Variants in SMARCAL1 observed in about 807,000 individuals in gnomAD.
SMARCAL1 encodes SNF2 related chromatin remodeling annealing helicase 1.
In SMARCAL1, 58 loss-of-function variants were observed where a neutral mutation model predicts 94.5. The observed-to-expected ratio is 0.61, with a 90% CI of 0.50 to 0.76. The LOEUF is 0.76. SMARCAL1 is among the 30% of genes least tolerant of loss of function. The probability of loss-of-function intolerance (pLI) is 0.00; values close to 1 mark genes in which losing one functional copy is unlikely to be tolerated. For synonymous variants in SMARCAL1, 422 were observed against 455.1 expected (o/e 0.93, Z 0.93); for missense variants, 1,051 against 1,177.9 (o/e 0.89, Z 1.58).
chr2:216,464,578 T>C lies in SMARCAL1; in HGVS notation c.2071-19T>C, dbSNP rs1420033037. 6.3e-7 allele frequency: 1 copy of C among 1,597,070 alleles called. No homozygotes were observed. The highest frequency in any genetic ancestry group is 8.6e-7 in the Non-Finnish European group (1 of 1,164,698). ...TCTCAGACTGGGGCACTTAACATTC[T>C]TAACTTATCTTTCAACAGAAACAGC... is the stretch of plus-strand genomic sequence containing the variant. On this transcript the variant is annotated intron_variant, in intron 12 of 17. Coordinates refer to ENST00000357276, the MANE Select transcript of SMARCAL1 (RefSeq NM_014140.4).
intron 8 of SMARCAL1, among the ~76,000 whole-genome samples, chr2:216,433,872 A>G (rs673157): frequency 0.72 from 109,445 of 150,970 alleles, 40,245 homozygotes; most frequent in African/African-American, 0.85. Flanking sequence ...AGCTCCTCCT[A>G]CTGCCGGTCA....
chr2:216,452,188 CAT>C (rs1315325673), intron 12 of SMARCAL1, among the ~76,000 whole-genome samples: 1 of 151,980 alleles, frequency 6.6e-6, no homozygotes, highest in Non-Finnish European at 1.5e-5. Flanking sequence ...TCGATGTAGA[CAT>C]ATAGACCAGT....
intron 4 of SMARCAL1, among the ~76,000 whole-genome samples, chr2:216,417,012 T>C (rs572478867): frequency 6.6e-6 from 1 of 152,316 alleles, no homozygotes; most frequent in East Asian, 1.9e-4. Context: ...GCCCTGTGTG[T>C]TTTCATCTTC....
chr2:216,440,854 C>G (rs1694184937), intron 10 of SMARCAL1, among the ~76,000 whole-genome samples: 1 of 152,120 alleles, frequency 6.6e-6, no homozygotes, highest in Non-Finnish European at 1.5e-5. Flanking sequence ...TAGATGCCAG[C>G]AGTTCCTCCC....
intron 12 of SMARCAL1, among the ~76,000 whole-genome samples, chr2:216,461,620 G>C (rs1172477857): frequency 6.6e-6 from 1 of 152,102 alleles, no homozygotes; most frequent in Non-Finnish European, 1.5e-5. Context: ...TTGAGCCCAG[G>C]AGATTGATAC....
rs766420036 is a variant in SMARCAL1, at chr2:216,475,994, G to A, written c.2427+543G>A. Among the ~76,000 whole-genome samples, 2 of 151,948 alleles carry A rather than the reference G, an allele frequency of 1.3e-5. No homozygotes were observed. Among genetic ancestry groups the A allele is most frequent in the Admixed American group, 6.6e-5 (1 of 15,246 alleles). ...CACCAGGTTGCAGCCCAGGCCTCAC[G>A]TTCCAGCCTGTGCCCCCTTTAGTAG... On this transcript the variant is annotated intron_variant, in intron 15 of 17. Coordinates refer to ENST00000357276, the MANE Select transcript of SMARCAL1 (RefSeq NM_014140.4). This position sits in a 1 kb window ranked among gnomAD's most constrained non-coding sequence, Gnocchi z 4.4.
At chr2:216,417,952 ACT>A (rs1693636860) in intron 4 of SMARCAL1, among the ~76,000 whole-genome samples, 1 of 151,644 alleles carries the variant, frequency 6.6e-6, no homozygotes, top group South Asian at 2.1e-4. Context: ...ACAGAGTCTC[ACT>A]CTGTCGCCCA....
At chr2:216,425,059 GAAT>G (rs1693802149) in intron 6 of SMARCAL1, among the ~76,000 whole-genome samples, 1 of 152,194 alleles carries the variant, frequency 6.6e-6, no homozygotes, top group Non-Finnish European at 1.5e-5. Flanking sequence ...GCTGTACACA[GAAT>G]CCTTTTGGTG....
chr2:216,449,071 C>T (rs1480511589), intron 11 of SMARCAL1, among the ~76,000 whole-genome samples: 7 of 152,152 alleles, frequency 4.6e-5, no homozygotes, highest in Admixed American at 4.6e-4. Flanking sequence ...CTAGTGAGGG[C>T]CTTCTTGCTC....
chr2:216,458,558 A>G (rs886781692), intron 12 of SMARCAL1, among the ~76,000 whole-genome samples: 4 of 152,384 alleles, frequency 2.6e-5, no homozygotes, highest in East Asian at 3.9e-4. Context: ...AATCCAGCAT[A>G]TAAACAGAAC....
At chr2:216,479,095 C>A (rs980817709) in intron 17 of SMARCAL1, 1 of 152,416 alleles carries the variant, frequency 6.6e-6, no homozygotes, top group African/African-American at 2.4e-5. Flanking sequence ...GTTTTCCTTC[C>A]CCAGCTTGGA....
At chr2:216,418,274 A>G (rs1693647660) in intron 4 of SMARCAL1, among the ~76,000 whole-genome samples, 1 of 152,196 alleles carries the variant, frequency 6.6e-6, no homozygotes, top group Admixed American at 6.5e-5. Flanking sequence ...ATTGGATACA[A>G]AATTCTCCAT....
At chr2:216,472,304 G>A (rs533874999) in intron 14 of SMARCAL1, among the ~76,000 whole-genome samples, 14 of 152,218 alleles carry the variant, frequency 9.2e-5, no homozygotes, top group African/African-American at 3.1e-4. Context: ...GCAGTGAGCC[G>A]AGATCCTGCC....
chr2:216,447,406 G>A (rs1371102487), intron 11 of SMARCAL1, among the ~76,000 whole-genome samples: 1 of 152,098 alleles, frequency 6.6e-6, no homozygotes, highest in East Asian at 1.9e-4. Flanking sequence ...CCAGTAAGGG[G>A]ACTAGTGGCT....
chr2:216,475,637 A>G lies in SMARCAL1; in HGVS notation c.2427+186A>G, dbSNP rs1245882924. ...ACTAGTCTCTTTTTTTCTTTTTTTGAGACAGAGTCTCTTATCACCCAGGCT... is the reference window on the plus strand; with the variant it reads ...ACTAGTCTCTTTTTTTCTTTTTTTGGGACAGAGTCTCTTATCACCCAGGCT... On this transcript the variant is annotated intron_variant, in intron 15 of 17. Transcript: ENST00000357276. The surrounding 1 kb of genome is among the most constrained non-coding windows in gnomAD (Gnocchi z 4.4). Among the ~76,000 whole-genome samples, 1 of 151,338 alleles carries G rather than the reference A, an allele frequency of 6.6e-6. No homozygotes were observed. Among genetic ancestry groups the G allele is most frequent in the Non-Finnish European group, 1.5e-5 (1 of 67,872 alleles).
Position 216,477,220 on chromosome 2 carries a change from G to C in SMARCAL1, c.2528+11G>C. 6.4e-7 allele frequency: 1 copy of C among 1,568,586 alleles called. No individual in the cohort carries two copies. On this transcript the variant is annotated intron_variant, in intron 16 of 17. Transcript: ENST00000357276. Reference sequence around the variant, plus strand: ...TGATGACTACCTTTGGTATGGCTTGGTTGGGTGGCCTGGCAGTTGGAGTCG... The same window carrying C: ...TGATGACTACCTTTGGTATGGCTTGCTTGGGTGGCCTGGCAGTTGGAGTCG...
intron 14 of SMARCAL1, among the ~76,000 whole-genome samples, chr2:216,469,400 G>A (rs1419978923): frequency 1.3e-5 from 2 of 149,226 alleles, no homozygotes; most frequent in African/African-American, 4.9e-5. Flanking sequence ...TCCTGTCTCA[G>A]CCTCCCGAGA....
chr2:216,428,650 T>A lies in SMARCAL1; in HGVS notation c.1202T>A (p.Leu401His). ...QVQLDPLPTT[L>H]TLAFASQLKK... is the part of the protein sequence containing the mutation. Reference sequence around the variant, plus strand: ...CAGCTGGACCCTCTGCCCACGACTCTCACCCTGGCGTTTGCTTCTCAGCTC... The same window carrying A: ...CAGCTGGACCCTCTGCCCACGACTCACACCCTGGCGTTTGCTTCTCAGCTC... Residue 401 changes from leucine to histidine, a missense_variant, in exon 7 of 18, where the codon CTC becomes CAC. Transcript: ENST00000357276. The A allele has an allele frequency of 6.2e-7, 1 of 1,614,230 alleles. No individual in the cohort carries two copies. Among genetic ancestry groups the A allele is most frequent in the Non-Finnish European group, 8.5e-7 (1 of 1,180,028 alleles).
rs1693692641 is a variant in SMARCAL1, at chr2:216,420,382, A to G, written c.946A>G (p.Ser316Gly). Residue 316 changes from serine to glycine, a missense_variant, in exon 5 of 18, where the codon AGT (serine) becomes GGT (glycine). By Grantham distance (56) the Ser-to-Gly change is moderately conservative. Coordinates refer to ENST00000357276, the MANE Select transcript of SMARCAL1 (RefSeq NM_014140.4). Reference protein sequence around the residue: ...YGSSESPSTSSEGQAGLPSAP... With the variant: ...YGSSESPSTSGEGQAGLPSAP... ...CAGCAGCGAGTCACCCTCCACCAGC[A>G]GTGAGGGACAGGCCGGCCTTCCATC... The G allele has an allele frequency of 1.2e-6, 2 of 1,614,190 alleles. No homozygotes were observed. The highest frequency in any genetic ancestry group is 1.7e-6 in the Non-Finnish European group (2 of 1,180,016).
Sources: gnomAD v4.1 joint callset for allele counts (sites outside exome capture counted in the v4.1 genomes callset) on GRCh38, gnomAD v4.1.1 for gene constraint, Gnocchi (gnomAD v3.1) non-coding constraint, MANE v1.5 for transcripts, NCBI Gene and HGNC (gene_info 2026-07-23, HGNC 2026-07-21) for gene names.